Variants in CHIC1 observed in about 807,000 individuals in gnomAD.
CHIC1 encodes cysteine rich hydrophobic domain 1.
In CHIC1, 7 loss-of-function variants were observed where a neutral mutation model predicts 18.5. The ratio of observed to expected loss-of-function variants is 0.38; its 90% CI spans 0.22 to 0.71. The LOEUF (loss-of-function observed/expected upper bound fraction) is 0.71, where lower values mean the gene tolerates loss of function less well. Ranked by LOEUF, CHIC1 falls within the 30% of genes least tolerant of loss-of-function variation. The pLI is 0.49. For missense variants in CHIC1, 159 were observed against 176.9 expected (o/e 0.90, Z 0.57); for synonymous variants, 77 against 73.5 (o/e 1.05, Z -0.25).
chrX:73,679,338 A>G lies in CHIC1; in HGVS notation c.520A>G (p.Ile174Val). Reference sequence around the variant, plus strand: ...TCATTTTTCTTAGACCAGAAGATCAATTCAGAAGTTAATAGAATGGGAAAA... The same window carrying G: ...TCATTTTTCTTAGACCAGAAGATCAGTTCAGAAGTTAATAGAATGGGAAAA... ...ICLNKRTRRS[I>V]QKLIEWENNR... Residue 174 changes from isoleucine (I) to valine (V), a missense_variant, in exon 4 of 6, where the codon ATT (isoleucine) becomes GTT (valine). Coordinates refer to ENST00000373502, the MANE Select transcript of CHIC1 (RefSeq NM_001039840.4). The G allele has an allele frequency of 8.7e-7, 1 of 1,154,172 alleles. No individual in the cohort carries two copies. Among genetic ancestry groups the G allele is most frequent in the Non-Finnish European group, 1.2e-6 (1 of 845,533 alleles).
At chrX:73,667,379 G>T (rs1351738326) in intron 3 of CHIC1, among the ~76,000 whole-genome samples, 2 of 111,457 alleles carry the variant, frequency 1.8e-5, no homozygotes, top group African/African-American at 6.5e-5. Flanking sequence ...GTATGGATTT[G>T]ATTTTTTTCA....
At chrX:73,667,852 C>A (rs1390672075) in intron 3 of CHIC1, among the ~76,000 whole-genome samples, 3 of 110,772 alleles carry the variant, frequency 2.7e-5, no homozygotes, top group Non-Finnish European at 5.7e-5. Context: ...TGGGGATGAT[C>A]TCGTGGAGTG....
At chrX:73,576,069 A>G (rs1201767653) in intron 1 of CHIC1, among the ~76,000 whole-genome samples, 1 of 109,119 alleles carries the variant, frequency 9.2e-6, no homozygotes, top group African/African-American at 3.3e-5. Flanking sequence ...TATCACTTCC[A>G]CCTTCACAGT....
At chrX:73,635,429 GAGA>G (rs1158344248) in intron 3 of CHIC1, among the ~76,000 whole-genome samples, 1 of 111,955 alleles carries the variant, frequency 8.9e-6, no homozygotes, top group East Asian at 2.8e-4. Context: ...GGAAGAGTTT[GAGA>G]AGGACTGGTG....
chrX:73,588,722 G>A (rs1415144513), intron 3 of CHIC1, among the ~76,000 whole-genome samples: 1 of 110,035 alleles, frequency 9.1e-6, no homozygotes, highest in Non-Finnish European at 1.9e-5. Context: ...TTTTTTTCTT[G>A]GTAGGTTTTT....
chrX:73,674,755 T>G (rs1409208530), intron 3 of CHIC1, among the ~76,000 whole-genome samples: 32 of 111,167 alleles, frequency 2.9e-4, no homozygotes, highest in African/African-American at 7.2e-4. Context: ...TCTGATCTTA[T>G]TTATTTCTTG....
chrX:73,600,773 A>G (rs1197105010), intron 3 of CHIC1, among the ~76,000 whole-genome samples: 3 of 107,213 alleles, frequency 2.8e-5, no homozygotes, highest in Non-Finnish European at 5.7e-5. Context: ...AATGTTCATC[A>G]AGGATATTGG....
intron 3 of CHIC1, among the ~76,000 whole-genome samples, chrX:73,638,922 A>G: frequency 8.9e-6 from 1 of 111,970 alleles, no homozygotes; most frequent in Non-Finnish European, 1.9e-5. Context: ...TATCCAGTCT[A>G]CTGTTGATGG....
At chrX:73,608,269 T>G (rs1417624646) in intron 3 of CHIC1, among the ~76,000 whole-genome samples, 1 of 109,362 alleles carries the variant, frequency 9.1e-6, no homozygotes, top group Non-Finnish European at 1.9e-5. Flanking sequence ...ATGTCTGTCT[T>G]TATGCCAGTA....
In CHIC1 at chrX:73,614,364, A is replaced by G. The variant is rs183318757; in HGVS notation, c.507+29792A>G. On this transcript the variant is annotated intron_variant, in intron 3 of 5. Coordinates refer to ENST00000373502, the MANE Select transcript of CHIC1 (RefSeq NM_001039840.4). ...TTTGGAGGGGACTTCTTTGAATGGT[A>G]TCTATTTGGAGATCTCTGATCTTCC... 9.0e-5 allele frequency among the ~76,000 whole-genome samples: 10 copies of G among 111,170 alleles called. No individual in the cohort carries two copies. In the East Asian group the frequency reaches 2.8e-3, roughly 32 times the overall value.
chrX:73,563,425 T>TGAGGAGGAAGAGGAGGAAGAGGAGGAG lies in CHIC1; in HGVS notation c.147_173dup (p.Glu60_Glu68dup). On this transcript the variant is annotated inframe_insertion, in exon 1 of 6. Coordinates refer to ENST00000373502, the MANE Select transcript of CHIC1 (RefSeq NM_001039840.4). ...CTGGGCCCGACGATGACGAGGAGGA[T>TGAGGAGGAAGAGGAGGAAGAGGAGGAG]GAGGAGGAAGAGGAGGAAGAGGAGG... is the stretch of plus-strand genomic sequence containing the variant. 8.7e-7 allele frequency: 1 copy of TGAGGAGGAAGAGGAGGAAGAGGAGGAG among 1,145,272 alleles called. No individual in the cohort carries two copies. Among genetic ancestry groups the TGAGGAGGAAGAGGAGGAAGAGGAGGAG allele is most frequent in the Non-Finnish European group, 1.2e-6 (1 of 861,809 alleles). 94.4% of individuals were successfully genotyped at this position (1,145,272 alleles called of 1,213,427 possible).
At chrX:73,677,866 C>T (rs1010513245) in intron 3 of CHIC1, among the ~76,000 whole-genome samples, 15 of 112,136 alleles carry the variant, frequency 1.3e-4, no homozygotes, top group South Asian at 3.7e-4. Flanking sequence ...TGTTTCTATT[C>T]GGCCATCTTG....
intron 3 of CHIC1, among the ~76,000 whole-genome samples, chrX:73,632,198 T>C (rs7066107): frequency 0.048 from 5,347 of 112,064 alleles, 326 homozygotes; most frequent in African/African-American, 0.16. Flanking sequence ...TGATATATAT[T>C]CTCTTGATAA....
chrX:73,672,521 G>A (rs1241657381), intron 3 of CHIC1, among the ~76,000 whole-genome samples: 1 of 112,571 alleles, frequency 8.9e-6, no homozygotes, highest in African/African-American at 3.2e-5. Flanking sequence ...GATGGCCAGT[G>A]ATGATGAGCA....
In CHIC1 at chrX:73,563,440, GGAAGAGGAGGAGGAGGAA is replaced by G. The variant is rs760335915; in HGVS notation, c.177_194del (p.Glu63_Glu68del). 2.5e-5 allele frequency: 29 copies of G among 1,159,858 alleles called. No homozygotes were observed. The highest frequency in any genetic ancestry group is 7.9e-5 in the South Asian group (4 of 50,684). On this transcript the variant is annotated inframe_deletion, in exon 1 of 6. Coordinates refer to ENST00000373502, the MANE Select transcript of CHIC1 (RefSeq NM_001039840.4). Reference sequence around the variant, plus strand: ...ACGAGGAGGATGAGGAGGAAGAGGAGGAAGAGGAGGAGGAGGAAGAAGAGGAGGAGGAGGAAGAGGAGG... The same window carrying G: ...ACGAGGAGGATGAGGAGGAAGAGGAGGAAGAGGAGGAGGAGGAAGAGGAGG...
intron 3 of CHIC1, among the ~76,000 whole-genome samples, chrX:73,622,164 T>A (rs1337918638): frequency 8.9e-6 from 1 of 112,088 alleles, no homozygotes; most frequent in African/African-American, 3.2e-5. Flanking sequence ...TTTCTTTTTT[T>A]GTTGTATCTC....
At chrX:73,605,542 T>C (rs1436092088) in intron 3 of CHIC1, among the ~76,000 whole-genome samples, 1 of 108,629 alleles carries the variant, frequency 9.2e-6, no homozygotes. Context: ...ATTATCATGC[T>C]AGCTGGTTAT....
At position 73,599,675 on chromosome X, in the gene CHIC1, C is replaced by T. The variant is rs1294218529; in HGVS notation, c.507+15103C>T. Among the ~76,000 whole-genome samples the T allele has an allele frequency of 1.2e-4, 12 of 103,172 alleles. No homozygotes were observed. In the Middle Eastern group the frequency reaches 0.019, roughly 165 times the overall value. 89.6% of individuals were successfully genotyped at this position (103,172 alleles called of 115,157 possible). ...CGGCGTTATTTCTGAGGGCTCTGTT[C>T]TGTTCCATTGATCTATATCTCTGTT... On this transcript the variant is annotated intron_variant, in intron 3 of 5. Coordinates refer to ENST00000373502, the MANE Select transcript of CHIC1 (RefSeq NM_001039840.4).
intron 3 of CHIC1, among the ~76,000 whole-genome samples, chrX:73,638,718 C>G (rs1034702778): frequency 9.0e-6 from 1 of 110,990 alleles, no homozygotes; most frequent in African/African-American, 3.3e-5. Context: ...TCTGTTGTTT[C>G]CCTCTTTGTG....
Sources: gnomAD v4.1 joint callset for allele counts (sites outside exome capture counted in the v4.1 genomes callset) on GRCh38, gnomAD v4.1.1 for gene constraint, MANE v1.5 for transcripts, NCBI Gene and HGNC (gene_info 2026-07-23, HGNC 2026-07-21) for gene names.